The following NAALADL2 variants were observed in gnomAD, a reference collection of about 807,000 sequenced individuals.
NAALADL2 encodes inactive N-acetylated-alpha-linked acidic dipeptidase-like protein 2.
NAALADL2 carries 76 observed loss-of-function variants against 87.2 expected under a neutral mutation model. The ratio of observed to expected loss-of-function variants is 0.87; its 90% CI spans 0.72 to 1.05. The LOEUF (loss-of-function observed/expected upper bound fraction) is 1.05, where lower values mean the gene tolerates loss of function less well. NAALADL2 is among the 50% of genes least tolerant of loss of function. NAALADL2 has a pLI of 0.00. For missense variants in NAALADL2, 1,089 were observed against 945.8 expected, an observed-to-expected ratio of 1.15 and a Z score of -1.99; for synonymous variants, 354 against 331.0, an observed-to-expected ratio of 1.07 and a Z score of -0.75.
At chr3:175,588,737 A>T (rs1337636361) in intron 10 of NAALADL2, among the ~76,000 whole-genome samples, 1 of 151,528 alleles carries the variant, frequency 6.6e-6, no homozygotes, top group Non-Finnish European at 1.5e-5. Flanking sequence ...ATGGGGTTTC[A>T]CCGTGTTAGC....
chr3:175,051,357 G>A (rs999380173), intron 1 of NAALADL2, among the ~76,000 whole-genome samples: 2 of 152,104 alleles, frequency 1.3e-5, no homozygotes, highest in Admixed American at 6.5e-5. Flanking sequence ...GGGGTCTCCT[G>A]TCCTGAAACC....
intron 13 of NAALADL2, among the ~76,000 whole-genome samples, chr3:175,775,793 T>C (rs1750153869): frequency 6.6e-6 from 1 of 152,094 alleles, no homozygotes; most frequent in Admixed American, 6.6e-5. Flanking sequence ...CAATAATGTG[T>C]TAACATCACA....
intron 2 of NAALADL2, among the ~76,000 whole-genome samples, chr3:174,649,792 G>A (rs554446101): frequency 4.1e-4 from 62 of 152,238 alleles, no homozygotes; most frequent in Non-Finnish European, 6.5e-4. Flanking sequence ...TCATGTGGAA[G>A]CTGAAGATGA....
intron 3 of NAALADL2, among the ~76,000 whole-genome samples, chr3:174,761,214 G>T (rs1471664763): frequency 6.6e-6 from 1 of 152,042 alleles, no homozygotes; most frequent in African/African-American, 2.4e-5. Context: ...ATCTTATAAT[G>T]ACAATTACAT....
At chr3:175,671,209 A>G (rs904037953) in intron 11 of NAALADL2, among the ~76,000 whole-genome samples, 2 of 151,912 alleles carry the variant, frequency 1.3e-5, no homozygotes, top group Non-Finnish European at 2.9e-5. Context: ...TACTTACTTT[A>G]TGTATTCTAT....
intron 1 of NAALADL2, chr3:174,459,816 A>G (rs920750012): frequency 9.2e-5 from 14 of 152,158 alleles, no homozygotes; most frequent in Non-Finnish European, 1.5e-5. Flanking sequence ...CCTGGATGTT[A>G]TATTGTATGT....
chr3:174,610,057 A>G (rs544896460), intron 2 of NAALADL2, among the ~76,000 whole-genome samples: 11,962 of 151,916 alleles, frequency 0.079, 599 homozygotes, highest in Non-Finnish European at 0.12. Context: ...AAAACAAGCA[A>G]TGGGGAAAGG....
At position 175,708,448 on chromosome 3, in the gene NAALADL2, T is replaced by A. The variant is rs140724212; in HGVS notation, c.1897-28858T>A. ...AAGAAACTAAGAGAAGCAGTCAGATTCAAGAAATATTAAGTTATTTGATTC... is the reference window on the plus strand; with the variant it reads ...AAGAAACTAAGAGAAGCAGTCAGATACAAGAAATATTAAGTTATTTGATTC... On this transcript the variant is annotated intron_variant, in intron 11 of 13. Transcript: ENST00000454872. 8.6e-3 allele frequency among the ~76,000 whole-genome samples: 1,306 copies of A among 152,124 alleles called. 13 individuals carry two copies. The highest frequency in any genetic ancestry group is 0.015 in the Non-Finnish European group (1,024 of 67,972).
At chr3:175,042,419 G>T (rs1377406829) in intron 1 of NAALADL2, among the ~76,000 whole-genome samples, 2 of 152,106 alleles carry the variant, frequency 1.3e-5, no homozygotes, top group Non-Finnish European at 1.5e-5. Flanking sequence ...AAGTAAAGAT[G>T]TCTCTTTGAG....
At chr3:174,560,002 T>A (rs916858228) in intron 2 of NAALADL2, among the ~76,000 whole-genome samples, 40 of 152,236 alleles carry the variant, frequency 2.6e-4, no homozygotes, top group African/African-American at 9.4e-4. Context: ...CTTTCTTACA[T>A]CTTAAATAGG....
intron 13 of NAALADL2, among the ~76,000 whole-genome samples, chr3:175,761,833 T>C (rs1320373105): frequency 6.6e-6 from 1 of 152,208 alleles, no homozygotes; most frequent in Non-Finnish European, 1.5e-5. Context: ...TTTCGCCCAT[T>C]TTTAAAATTG....
At chr3:175,096,644 TA>T in intron 1 of NAALADL2, 145 bp from the exon 2 acceptor site, 1 of 413,936 alleles carries the variant, frequency 2.4e-6, no homozygotes, top group Non-Finnish European at 4.1e-6. Context: ...ATTAATTAAA[TA>T]AAATATGAGT....
chr3:175,431,056 A>G (rs1353947869), intron 5 of NAALADL2, among the ~76,000 whole-genome samples: 1 of 152,132 alleles, frequency 6.6e-6, no homozygotes, highest in Non-Finnish European at 1.5e-5. Flanking sequence ...TTTTGTACTG[A>G]AAAATGGATT....
intron 5 of NAALADL2, among the ~76,000 whole-genome samples, chr3:175,380,174 A>G (rs928509557): frequency 4.6e-5 from 7 of 152,130 alleles, no homozygotes; most frequent in African/African-American, 1.7e-4. Context: ...TGTTGTGCAC[A>G]TGTATCCTAA....
chr3:174,914,083 G>T (rs1474247371), intron 1 of NAALADL2, among the ~76,000 whole-genome samples: 1 of 147,506 alleles, frequency 6.8e-6, no homozygotes, highest in East Asian at 2.0e-4. Flanking sequence ...TTTAATTAGA[G>T]ACGGAGTCTC....
chr3:174,699,623 T>C (rs1281351747), intron 2 of NAALADL2, among the ~76,000 whole-genome samples: 1 of 152,218 alleles, frequency 6.6e-6, no homozygotes, highest in Admixed American at 6.5e-5. Context: ...AACAAAATGT[T>C]GCTAGTTCTT....
At chr3:174,814,297 C>T (rs1720545806) in intron 3 of NAALADL2, among the ~76,000 whole-genome samples, 1 of 151,832 alleles carries the variant, frequency 6.6e-6, no homozygotes, top group African/African-American at 2.4e-5. Flanking sequence ...TTAGTAGAGA[C>T]AGGGTTTCAC....
intron 11 of NAALADL2, among the ~76,000 whole-genome samples, chr3:175,714,832 C>G (rs1346867917): frequency 6.6e-6 from 1 of 151,876 alleles, no homozygotes; most frequent in Non-Finnish European, 1.5e-5. Flanking sequence ...TAGCCATGTT[C>G]AAAAAACTGA....
intron 2 of NAALADL2, among the ~76,000 whole-genome samples, chr3:175,106,747 A>G (rs1353424881): frequency 6.6e-6 from 1 of 152,066 alleles, no homozygotes; most frequent in Admixed American, 6.6e-5. Context: ...CAAGTGGCAG[A>G]CGTGGTCCTT....
Sources: gnomAD v4.1 joint callset for allele counts (sites outside exome capture counted in the v4.1 genomes callset) on GRCh38, gnomAD v4.1.1 for gene constraint, MANE v1.5 for transcripts, NCBI Gene and HGNC (gene_info 2026-07-23, HGNC 2026-07-21) for gene names.